The following NFILZ variants were observed in gnomAD, a reference collection of about 807,000 sequenced individuals.
NFILZ encodes the protein NFIL3 like protein.
At chr19:8,640,316 G>GTTTGTTTT (rs2042913811) in intron 3 of NFILZ, among the ~76,000 whole-genome samples, 1 of 124,238 alleles carries the variant, frequency 8.0e-6, no homozygotes, top group Non-Finnish European at 1.7e-5. Context: ...TCCTGCTGTA[G>GTTTGTTTT]TTTTTTTTTT....
At chr19:8,638,649 A>AGTCT (rs2042905860) in intron 3 of NFILZ, 1 of 152,166 alleles carries the variant, frequency 6.6e-6, no homozygotes, top group Non-Finnish European at 1.5e-5. Context: ...GAGTTGGTCA[A>AGTCT]GTCTGCAGTA....
At chr19:8,637,322 G>A (rs1332497187) in intron 3 of NFILZ, among the ~76,000 whole-genome samples, 2 of 151,888 alleles carry the variant, frequency 1.3e-5, no homozygotes, top group African/African-American at 4.8e-5. Context: ...TCCAGCCTGG[G>A]CAATAGAAAA....
chr19:8,653,146 AT>A (rs1285367140), intron 3 of NFILZ, among the ~76,000 whole-genome samples: 1 of 148,416 alleles, frequency 6.7e-6, no homozygotes, highest in Admixed American at 6.9e-5. Context: ...CAATGGTGCG[AT>A]CTTGGCTCAC....
intron 3 of NFILZ, among the ~76,000 whole-genome samples, chr19:8,646,115 C>T (rs998647043): frequency 2.6e-5 from 4 of 152,032 alleles, no homozygotes; most frequent in African/African-American, 4.8e-5. Flanking sequence ...CGGCTCACTA[C>T]AACCTCTGCC....
rs1313054465 is a variant in NFILZ at position 8,680,958 on chromosome 19, G to C, written c.*3323G>C. 6.6e-6 allele frequency among the ~76,000 whole-genome samples: 1 copy of C among 152,088 alleles called. No homozygotes were observed. The highest frequency in any genetic ancestry group is 1.5e-5 in the Non-Finnish European group (1 of 68,026). On this transcript the variant is annotated 3_prime_UTR_variant, in exon 6 of 6. Transcript: ENST00000691075. ...GGAGTGAGTAAGGGGGAGAGAGGGA[G>C]GAGGCGAGGGCAGGGAGGTGATGGA...
At chr19:8,675,601 C>G (rs1339034391) in intron 4 of NFILZ, among the ~76,000 whole-genome samples, 1 of 152,116 alleles carries the variant, frequency 6.6e-6, no homozygotes, top group Admixed American at 6.5e-5. Flanking sequence ...GACCATGTTC[C>G]TACAGAAAAT....
intron 3 of NFILZ, among the ~76,000 whole-genome samples, chr19:8,655,813 C>T (rs1469197735): frequency 4.6e-5 from 7 of 152,094 alleles, no homozygotes; most frequent in Non-Finnish European, 1.5e-5. Flanking sequence ...GTCTTGTTCA[C>T]TGTCTTGGAG....
chr19:8,633,877 CCCTTCCTTCCTTCCTT>C (rs782201553), intron 2 of NFILZ, among the ~76,000 whole-genome samples: 1,791 of 84,522 alleles, frequency 0.021, 33 homozygotes, highest in South Asian at 0.056. Context: ...TAACTTTTCT[CCCTTCCTTCCTTCCTT>C]CCTTCCTTCC....
rs2043135853 is a variant in NFILZ, at chr19:8,679,542, C to T, written c.*1907C>T. Among the ~76,000 whole-genome samples the T allele has an allele frequency of 6.6e-6, 1 of 152,066 alleles. No homozygotes were observed. On this transcript the variant is annotated 3_prime_UTR_variant, in exon 6 of 6. Transcript: ENST00000691075. ...CAAATGTGTGCAGGGTGAGGACGTA[C>T]AAAGTGCCTCTCTCTCACTAGTACA...
At chr19:8,656,389 TCCCGCAGCCCA>T (rs1600147514) in intron 3 of NFILZ, among the ~76,000 whole-genome samples, 21 of 123,094 alleles carry the variant, frequency 1.7e-4, no homozygotes, top group East Asian at 4.4e-4. Flanking sequence ...GCCCACCTTC[TCCCGCAGCCCA>T]CCTTCTCTCT....
chr19:8,657,177 A>C (rs1193356739), intron 3 of NFILZ, among the ~76,000 whole-genome samples: 3 of 148,424 alleles, frequency 2.0e-5, no homozygotes, highest in African/African-American at 7.5e-5. Context: ...ACGGAGTCTC[A>C]CTCTGTCACC....
intron 3 of NFILZ, among the ~76,000 whole-genome samples, chr19:8,650,058 T>C (rs1385961743): frequency 6.7e-6 from 1 of 149,280 alleles, no homozygotes; most frequent in Non-Finnish European, 1.5e-5. Flanking sequence ...GAGGCTGCAG[T>C]GAGCTGAGAT....
intron 3 of NFILZ, among the ~76,000 whole-genome samples, chr19:8,653,010 TC>T (rs1555747898): frequency 0.18 from 6,270 of 33,982 alleles, 455 homozygotes; most frequent in East Asian, 0.48. Context: ...CTTCCTTCCT[TC>T]CTTTCTTTCT....
In NFILZ at chr19:8,679,289, T is replaced by TTATTAA. The variant is rs1555751181; in HGVS notation, c.*1659_*1660insATATTA. Among the ~76,000 whole-genome samples, 1,291 of 150,926 alleles carry TTATTAA rather than the reference T, an allele frequency of 8.6e-3. 17 individuals carry two copies. Among genetic ancestry groups the TTATTAA allele is most frequent in the African/African-American group, 0.029 (1,168 of 40,960 alleles). On this transcript the variant is annotated 3_prime_UTR_variant, in exon 6 of 6. Transcript: ENST00000691075. The stretch of plus-strand genomic sequence containing the variant: ...TCTCCCATTATTATTATTATTATTA[T>TTATTAA]TATTATTATTATTATTACATCAGGG...
Position 8,646,835 on chromosome 19 carries a change from C to T in NFILZ, c.-164+11089C>T, listed in dbSNP as rs568451008. Among the ~76,000 whole-genome samples the T allele has an allele frequency of 9.3e-4, 142 of 152,234 alleles. 2 individuals are homozygous for T. The highest frequency in any genetic ancestry group is 5.6e-3 in the South Asian group (27 of 4,824). ...GCTCCTCCTAAACCAAGAGCAAATG[C>T]GTATCCTCAGAGAAGTGACCCCTCA... On this transcript the variant is annotated intron_variant, in intron 3 of 5. Transcript: ENST00000691075.
At chr19:8,635,028 G>A (rs782672703) in intron 2 of NFILZ, among the ~76,000 whole-genome samples, 9 of 151,752 alleles carry the variant, frequency 5.9e-5, no homozygotes, top group Non-Finnish European at 1.2e-4. Context: ...ACAGAATACC[G>A]GCCAGGCCTG....
intron 3 of NFILZ, among the ~76,000 whole-genome samples, chr19:8,666,084 T>C (rs2043060741): frequency 6.6e-6 from 1 of 152,144 alleles, no homozygotes; most frequent in Non-Finnish European, 1.5e-5. Flanking sequence ...TGTACTCTGT[T>C]GGCCTCTGAG....
At chr19:8,663,736 G>A (rs991383598) in intron 3 of NFILZ, among the ~76,000 whole-genome samples, 91 of 136,128 alleles carry the variant, frequency 6.7e-4, no homozygotes, top group Non-Finnish European at 1.1e-3. Context: ...GTGTGTGTGT[G>A]TGTGTGTGTG....
At chr19:8,657,860 T>C (rs1216865341) in intron 3 of NFILZ, among the ~76,000 whole-genome samples, 1 of 152,116 alleles carries the variant, frequency 6.6e-6, no homozygotes, top group Non-Finnish European at 1.5e-5. Context: ...CTGGCTCACA[T>C]GGGCCAAAAG....
Sources: gnomAD v4.1 joint callset for allele counts (sites outside exome capture counted in the v4.1 genomes callset) on GRCh38, gnomAD v4.1.1 for gene constraint, MANE v1.5 for transcripts, NCBI Gene and HGNC (gene_info 2026-07-23, HGNC 2026-07-21) for gene names.